Variants in TEX9 observed in about 807,000 individuals in gnomAD.
TEX9 encodes the protein testis expressed 9.
A neutral mutation model predicts 59.6 loss-of-function variants in TEX9; 74 were observed. The observed-to-expected ratio is 1.24, with a 90% CI of 1.03 to 1.51. The LOEUF is 1.51. Among genes scored for constraint, TEX9 ranks in the 40% most tolerant of loss-of-function variants. The probability of loss-of-function intolerance (pLI) is 0.00; values close to 1 mark genes in which losing one functional copy is unlikely to be tolerated. For missense variants in TEX9, 522 were observed against 447.8 expected (o/e 1.17, Z -1.49); for synonymous variants, 186 against 152.2 (o/e 1.22, Z -1.64).
At position 56,339,383 on chromosome 15, in the gene TEX9, CA is replaced by C. The variant is rs71456382; in HGVS notation, c.-106-34027del. Reference sequence around the variant, plus strand: ...GGGTGTCAGAGCAAGACTCCTTCTCCAAAAAAAAAAAAAAAAAAAAAAAAAA... The same window carrying C: ...GGGTGTCAGAGCAAGACTCCTTCTCCAAAAAAAAAAAAAAAAAAAAAAAAA... On this transcript the variant is annotated intron_variant, in intron 1 of 5. Coordinates refer to the TEX9 transcript ENST00000560827. Among the ~76,000 whole-genome samples the C allele has an allele frequency of 4.7e-3, 144 of 30,754 alleles. 1 individual carries two copies. Among genetic ancestry groups the C allele is most frequent in the African/African-American group, 0.016 (135 of 8,312 alleles). 20.2% of individuals were successfully genotyped at this position (30,754 alleles called of 152,430 possible). A position where few individuals can be genotyped will look rare whatever the true frequency, so the allele number is the denominator to read the frequency against.
chr15:56,420,650 G>A (rs1233802032), intron 10 of TEX9, among the ~76,000 whole-genome samples: 2 of 151,868 alleles, frequency 1.3e-5, no homozygotes, highest in African/African-American at 2.4e-5. Context: ...CTGTTGATTT[G>A]TACGCTTTCT....
At chr15:56,385,119 A>C (rs1342762588) in intron 4 of TEX9, among the ~76,000 whole-genome samples, 1 of 152,190 alleles carries the variant, frequency 6.6e-6, no homozygotes, top group African/African-American at 2.4e-5. Context: ...TTCTTTCCCC[A>C]TTGAATGTTC....
At chr15:56,330,353 G>T (rs1398008714) in intron 1 of TEX9, among the ~76,000 whole-genome samples, 1 of 152,066 alleles carries the variant, frequency 6.6e-6, no homozygotes. Context: ...AAAACTCACT[G>T]GTAAGAGTAA....
rs868344503 is a variant in TEX9 at position 56,312,908 on chromosome 15, T to C, written c.-106-60533T>C. 6.2e-4 allele frequency among the ~76,000 whole-genome samples: 77 copies of C among 124,174 alleles called. 2 individuals are homozygous for C. The highest frequency in any genetic ancestry group is 3.7e-3 in the Middle Eastern group (1 of 272). The allele number at this position is 124,174 out of a possible 152,430, so 81.5% of individuals were successfully genotyped here. A position where few individuals can be genotyped will look rare whatever the true frequency, so the allele number is the denominator to read the frequency against. On this transcript the variant is annotated intron_variant, in intron 1 of 5. Coordinates refer to the TEX9 transcript ENST00000560827. ...AGGTATTTTATTCTCTTTGAAGCAATTGTGAATGGGAGTTCACTCATGATT... is the reference window on the plus strand; with the variant it reads ...AGGTATTTTATTCTCTTTGAAGCAACTGTGAATGGGAGTTCACTCATGATT...
chr15:56,419,834 TG>T (rs2140214860), intron 10 of TEX9, among the ~76,000 whole-genome samples: 1 of 152,032 alleles, frequency 6.6e-6, no homozygotes, highest in South Asian at 2.1e-4. Context: ...GATAAGTTTT[TG>T]TAGGGTTGGT....
chr15:56,384,123 C>A, intron 4 of TEX9, 92 bp downstream of exon 4: 1 of 1,006,398 alleles, frequency 9.9e-7, no homozygotes, highest in Non-Finnish European at 1.5e-6. Context: ...ATTGAAAAAT[C>A]TATAATTTGA....
chr15:56,357,977 C>A (rs1462703196), intron 1 of TEX9, among the ~76,000 whole-genome samples: 1 of 152,096 alleles, frequency 6.6e-6, no homozygotes, highest in African/African-American at 2.4e-5. Flanking sequence ...GGTGAACTCA[C>A]ATTGTCTTAA....
Position 56,289,000 on chromosome 15 carries a change from G to A in TEX9, c.-107+44722G>A, listed in dbSNP as rs532846273. ...CTGATTCTTTCTTTTGCTTTATTCT[G>A]CTGTTGATGTTCTCTATTGCTTTTG... On this transcript the variant is annotated intron_variant, in intron 1 of 5. Transcript: ENST00000560827. Among the ~76,000 whole-genome samples the A allele has an allele frequency of 2.1e-3, 316 of 151,998 alleles. 1 individual carries two copies. The highest frequency in any genetic ancestry group is 3.6e-3 in the Non-Finnish European group (245 of 67,958).
chr15:56,347,058 A>G (rs1197405574), intron 1 of TEX9, among the ~76,000 whole-genome samples: 1 of 152,204 alleles, frequency 6.6e-6, no homozygotes, highest in Non-Finnish European at 1.5e-5. Flanking sequence ...AAATCTGCAC[A>G]AACACTGATG....
downstream of TEX9, chr15:56,447,017 A>G: frequency 1.0e-6 from 1 of 1,003,244 alleles, no homozygotes; most frequent in South Asian, 1.4e-5. Context: ...AAACTGAGTA[A>G]CTGTATTTTT....
intron 1 of TEX9, among the ~76,000 whole-genome samples, chr15:56,297,637 T>G (rs2045248181): frequency 6.6e-6 from 1 of 152,222 alleles, no homozygotes. Context: ...CCTGAATAGC[T>G]GGGATTACAG....
intron 12 of TEX9, chr15:56,443,542 T>G: frequency 6.3e-7 from 1 of 1,578,118 alleles, no homozygotes; most frequent in Non-Finnish European, 8.6e-7. Flanking sequence ...TGTCAACTAT[T>G]AAATTTTTTA....
chr15:56,314,830 G>A (rs1329526362), intron 1 of TEX9, among the ~76,000 whole-genome samples: 1 of 151,808 alleles, frequency 6.6e-6, no homozygotes, highest in African/African-American at 2.4e-5. Flanking sequence ...GAATCTGGGT[G>A]CTCCAGTGTT....
upstream of TEX9, among the ~76,000 whole-genome samples, chr15:56,364,359 G>A (rs1417027534): frequency 6.6e-6 from 1 of 151,310 alleles, no homozygotes; most frequent in East Asian, 1.9e-4. Flanking sequence ...CTCCATATTG[G>A]TCAGGCTGGT....
intron 10 of TEX9, among the ~76,000 whole-genome samples, chr15:56,413,456 T>C (rs926807980): frequency 6.6e-6 from 1 of 151,362 alleles, no homozygotes; most frequent in Non-Finnish European, 1.5e-5. Flanking sequence ...TATAGTTCAG[T>C]AGTGTAACAT....
chr15:56,382,601 C>T (rs563834616), intron 3 of TEX9, among the ~76,000 whole-genome samples: 2 of 152,230 alleles, frequency 1.3e-5, no homozygotes, highest in Admixed American at 6.5e-5. Context: ...GAACTGGGTC[C>T]TTCCCTTCAA....
At chr15:56,361,777 CATG>C (rs2046793900), upstream of TEX9, among the ~76,000 whole-genome samples, 5 of 152,130 alleles carry the variant, frequency 3.3e-5, no homozygotes, top group Admixed American at 3.3e-4. Context: ...GGAAATGCTA[CATG>C]ATTATAGAGG....
chr15:56,291,257 A>G (rs2045082116), intron 1 of TEX9, among the ~76,000 whole-genome samples: 2 of 152,178 alleles, frequency 1.3e-5, no homozygotes, highest in Admixed American at 6.5e-5. Flanking sequence ...AAGGGATGCT[A>G]TTGACCTTCA....
chr15:56,294,670 C>T (rs1297037831), intron 1 of TEX9, among the ~76,000 whole-genome samples: 1 of 152,126 alleles, frequency 6.6e-6, no homozygotes, highest in Non-Finnish European at 1.5e-5. Flanking sequence ...TACCTCATTC[C>T]TTGGCTTTTC....
Sources: gnomAD v4.1 joint callset for allele counts (sites outside exome capture counted in the v4.1 genomes callset) on GRCh38, gnomAD v4.1.1 for gene constraint, MANE v1.5 for transcripts, NCBI Gene and HGNC (gene_info 2026-07-23, HGNC 2026-07-21) for gene names.